ERBB4: variants seen among roughly 807,000 people sequenced by gnomAD.
The protein encoded by ERBB4 is receptor tyrosine-protein kinase erbB-4.
In ERBB4, 42 loss-of-function variants were observed where a neutral mutation model predicts 158.0. The observed-to-expected ratio is 0.27, with a 90% CI of 0.21 to 0.34. The LOEUF is 0.34. Among genes scored for constraint, ERBB4 ranks in the 10% least tolerant of loss-of-function variants. ERBB4 has a pLI of 1.00. For missense variants in ERBB4, 1,333 were observed against 1,624.1 expected, an observed-to-expected ratio of 0.82 and a Z score of 3.08; for synonymous variants, 583 against 558.7, an observed-to-expected ratio of 1.04 and a Z score of -0.61.
chr2:212,113,183 G>A (rs189842991), intron 2 of ERBB4, among the ~76,000 whole-genome samples: 52 of 152,274 alleles, frequency 3.4e-4, no homozygotes, highest in Admixed American at 2.9e-3. Flanking sequence ...GAACAAGTTA[G>A]TAGAGACTGT....
intron 3 of ERBB4, among the ~76,000 whole-genome samples, chr2:211,822,915 C>A (rs1223024448): frequency 6.6e-6 from 1 of 151,922 alleles, no homozygotes; most frequent in Non-Finnish European, 1.5e-5. Context: ...GAGAATGTGC[C>A]ATTTCTATAT....
At chr2:211,653,875 C>G (rs1054949339) in intron 16 of ERBB4, among the ~76,000 whole-genome samples, 1 of 151,924 alleles carries the variant, frequency 6.6e-6, no homozygotes, top group Admixed American at 6.6e-5. Flanking sequence ...GGGGTTTCAC[C>G]GTGTTAGCCA....
intron 3 of ERBB4, among the ~76,000 whole-genome samples, chr2:211,940,605 G>T (rs1486736037): frequency 6.6e-6 from 1 of 152,124 alleles, no homozygotes; most frequent in African/African-American, 2.4e-5. Context: ...GGATTAAATA[G>T]AATGTTCTTC....
At chr2:211,850,941 C>G (rs928970096) in intron 3 of ERBB4, among the ~76,000 whole-genome samples, 1 of 151,890 alleles carries the variant, frequency 6.6e-6, no homozygotes, top group Non-Finnish European at 1.5e-5. Context: ...AGGTTTAAGG[C>G]AGCACATTTG....
chr2:211,664,715 CA>C (rs1358846328), intron 15 of ERBB4, among the ~76,000 whole-genome samples: 1 of 151,992 alleles, frequency 6.6e-6, no homozygotes, highest in Non-Finnish European at 1.5e-5. Context: ...AAAAATTTAC[CA>C]AGCTTCAGAT....
chr2:212,095,046 C>T (rs1278947823), intron 2 of ERBB4, among the ~76,000 whole-genome samples: 1 of 151,664 alleles, frequency 6.6e-6, no homozygotes, highest in Non-Finnish European at 1.5e-5. Flanking sequence ...AAGTAATATT[C>T]TTGGGGAAGA....
chr2:212,189,748 A>C (rs2082131331), intron 1 of ERBB4, among the ~76,000 whole-genome samples: 1 of 152,226 alleles, frequency 6.6e-6, no homozygotes, highest in Non-Finnish European at 1.5e-5. Context: ...CACATATCTG[A>C]GTACCATCCA....
intron 2 of ERBB4, among the ~76,000 whole-genome samples, chr2:211,982,562 C>A (rs546905713): frequency 6.6e-6 from 1 of 152,154 alleles, no homozygotes. Flanking sequence ...GACCGCACAG[C>A]CTTGCAAGCC....
intron 19 of ERBB4, among the ~76,000 whole-genome samples, chr2:211,583,653 TGTC>T: frequency 6.6e-6 from 1 of 151,760 alleles, no homozygotes; most frequent in South Asian, 2.1e-4. Context: ...TCTATAGGAC[TGTC>T]TTTTATCACC....
chr2:212,538,257 T>C (rs1329545939), intron 1 of ERBB4, among the ~76,000 whole-genome samples, 192 bp downstream of exon 1: 3 of 152,068 alleles, frequency 2.0e-5, no homozygotes, highest in Admixed American at 1.3e-4. Context: ...TTTTTCACGA[T>C]AAATAAAGCA....
chr2:211,612,103 TAAATACCTAAGAAA>T (rs1158466718), intron 19 of ERBB4, among the ~76,000 whole-genome samples: 1 of 152,084 alleles, frequency 6.6e-6, no homozygotes, highest in African/African-American at 2.4e-5. Context: ...ATGAGCACTA[TAAATACCTAAGAAA>T]AATTATTCCA....
intron 1 of ERBB4, among the ~76,000 whole-genome samples, chr2:212,368,380 G>T (rs1001368685): frequency 2.0e-5 from 3 of 152,112 alleles, no homozygotes; most frequent in Non-Finnish European, 4.4e-5. Context: ...AAGCTATGAG[G>T]ACACAAAGGC....
At chr2:211,649,077 C>T (rs996178062) in intron 16 of ERBB4, among the ~76,000 whole-genome samples, 6 of 151,878 alleles carry the variant, frequency 4.0e-5, no homozygotes, top group African/African-American at 1.4e-4. Flanking sequence ...ACATTATCTA[C>T]AATTATAGGA....
intron 3 of ERBB4, among the ~76,000 whole-genome samples, chr2:211,905,482 T>A (rs1359788887): frequency 2.6e-5 from 4 of 151,672 alleles, no homozygotes; most frequent in African/African-American, 9.7e-5. Flanking sequence ...GATGTGGGTA[T>A]CTTGAGGAGC....
chr2:211,403,644 T>C (rs1239394812), intron 25 of ERBB4, among the ~76,000 whole-genome samples: 1 of 152,184 alleles, frequency 6.6e-6, no homozygotes, highest in East Asian at 1.9e-4. Context: ...TAGCTGCGTA[T>C]ACATTTTGAC....
At chr2:212,061,737 CTTT>C (rs71054164) in intron 2 of ERBB4, among the ~76,000 whole-genome samples, 3 of 134,052 alleles carry the variant, frequency 2.2e-5, no homozygotes, top group Admixed American at 7.6e-5. Flanking sequence ...TTTTTCTTTT[CTTT>C]TTTTTTTTTT....
At chr2:211,909,000 T>C (rs1485562378) in intron 3 of ERBB4, among the ~76,000 whole-genome samples, 1 of 151,720 alleles carries the variant, frequency 6.6e-6, no homozygotes, top group African/African-American at 2.4e-5. Flanking sequence ...TAAAGACTGA[T>C]TGAAAAATGT....
At chr2:211,556,445 G>T (rs2067239526) in intron 20 of ERBB4, among the ~76,000 whole-genome samples, 2 of 152,130 alleles carry the variant, frequency 1.3e-5, no homozygotes, top group African/African-American at 4.8e-5. Flanking sequence ...GGATCTGATA[G>T]AAATCTACAG....
chr2:211,678,269 G>T (rs943524471), intron 13 of ERBB4, among the ~76,000 whole-genome samples: 26 of 139,628 alleles, frequency 1.9e-4, no homozygotes, highest in African/African-American at 5.9e-4. Flanking sequence ...TATACAAATA[G>T]ACATAAAAGT....
Sources: gnomAD v4.1 joint callset for allele counts (sites outside exome capture counted in the v4.1 genomes callset) on GRCh38, gnomAD v4.1.1 for gene constraint, MANE v1.5 for transcripts, NCBI Gene and HGNC (gene_info 2026-07-23, HGNC 2026-07-21) for gene names.